The following SCEL variants were observed in gnomAD, a reference collection of about 807,000 sequenced individuals.
SCEL encodes the protein sciellin.
A neutral mutation model predicts 117.6 loss-of-function variants in SCEL; 113 were observed. The observed-to-expected ratio is 0.96, with a 90% CI of 0.83 to 1.12. The LOEUF is 1.12. Ranked by LOEUF, SCEL falls within the 50% of genes most tolerant of loss-of-function variation. The pLI is 0.00. For missense variants in SCEL, 785 were observed against 810.8 expected (o/e 0.97, Z 0.39); for synonymous variants, 270 against 256.2 (o/e 1.05, Z -0.51).
At chr13:77,616,045 T>G (rs1344614979) in intron 24 of SCEL, among the ~76,000 whole-genome samples, 1 of 150,684 alleles carries the variant, frequency 6.6e-6, no homozygotes, top group Admixed American at 6.6e-5. Context: ...TGTGTGTGTG[T>G]GGCTGTCTGT....
intron 8 of SCEL, among the ~76,000 whole-genome samples, chr13:77,571,018 G>A (rs1490489992): frequency 1.3e-5 from 2 of 151,412 alleles, no homozygotes; most frequent in Admixed American, 1.3e-4. Context: ...TTTTAGTAGA[G>A]ATGGGGTTTC....
At chr13:77,565,175 T>C (rs756954709) in intron 5 of SCEL, among the ~76,000 whole-genome samples, 3 of 152,162 alleles carry the variant, frequency 2.0e-5, no homozygotes, top group Non-Finnish European at 2.9e-5. Flanking sequence ...ATGTGGGAAA[T>C]AGACTAGACC....
rs529048677 is a variant in SCEL, at chr13:77,549,492, T to A, written c.-19-6365T>A. Among the ~76,000 whole-genome samples the A allele has an allele frequency of 4.6e-5, 7 of 152,374 alleles. No homozygotes were observed. The South Asian group carries it at 1.4e-3, about 32-fold the overall frequency. On this transcript the variant is annotated intron_variant, in intron 1 of 32. Coordinates refer to ENST00000349847, the MANE Select transcript of SCEL (RefSeq NM_144777.3). ...ATAATCTGCTATACCCCATTGTTAG[T>A]TCACATAGACATTCTCTTGCCTGTG...
At chr13:77,564,742 G>A (rs373607877) in intron 5 of SCEL, among the ~76,000 whole-genome samples, 1 of 152,162 alleles carries the variant, frequency 6.6e-6, no homozygotes, top group Non-Finnish European at 1.5e-5. Context: ...CAAATACATG[G>A]TAACTTACAG....
chr13:77,610,139 C>CT (rs558936912), intron 22 of SCEL, 33 bp downstream of exon 22: 4,530 of 1,431,568 alleles, frequency 3.2e-3, no homozygotes, highest in South Asian at 4.9e-3. Flanking sequence ...TTTCTCCCCC[C>CT]TTTTTTTTTC....
chr13:77,617,723 C>A, intron 25 of SCEL, 65 bp downstream of exon 25: 1 of 1,462,902 alleles, frequency 6.8e-7, no homozygotes, highest in Non-Finnish European at 9.5e-7. Flanking sequence ...ATTATTACTT[C>A]AAGCAGATTT....
Position 77,617,983 on chromosome 13 carries a change from T to TTA in SCEL, c.1572-20_1572-19insAT, listed in dbSNP as rs758178059. ...AAATCTATTACCAATCTGAACTTTT[T>TTA]TCTCTCTCTCTTTTAAACAGCCAAG... On this transcript the variant is annotated intron_variant, in intron 26 of 32. Transcript: ENST00000349847. 5.0e-6 allele frequency: 8 copies of TTA among 1,611,262 alleles called. No individual in the cohort carries two copies. The African/African-American group carries it at 9.4e-5, about 19-fold the overall frequency.
intron 9 of SCEL, among the ~76,000 whole-genome samples, chr13:77,575,511 G>A (rs1341755706): frequency 6.6e-6 from 1 of 152,138 alleles, no homozygotes; most frequent in African/African-American, 2.4e-5. Context: ...TTCCTGAGAA[G>A]TGTCATTTTA....
Position 77,535,757 on chromosome 13 carries a change from G to A in SCEL, c.-87G>A, listed in dbSNP as rs906129620. ...AAACTCTAGGTTCCCATTTCTTTCA[G>A]CCAGATCCTCCCAGGGAATCACTAC... On this transcript the variant is annotated 5_prime_UTR_variant, in exon 1 of 33. Coordinates refer to ENST00000349847, the MANE Select transcript of SCEL (RefSeq NM_144777.3). 2 of 152,140 alleles carry A rather than the reference G, an allele frequency of 1.3e-5. No individual in the cohort carries two copies. The highest frequency in any genetic ancestry group is 4.8e-5 in the African/African-American group (2 of 41,434). The allele number at this position is 152,140 out of a possible 1,614,324, so 9.4% of individuals were successfully genotyped here. A position where few individuals can be genotyped will look rare whatever the true frequency, so the allele number is the denominator to read the frequency against.
chr13:77,641,501 A>G (rs944849151), intron 31 of SCEL, among the ~76,000 whole-genome samples: 7 of 152,174 alleles, frequency 4.6e-5, no homozygotes, highest in African/African-American at 1.7e-4. Context: ...CCTAACTGTA[A>G]AATGAGGTGT....
At chr13:77,597,301 G>A (rs17068045) in intron 12 of SCEL, among the ~76,000 whole-genome samples, 20,354 of 151,866 alleles carry the variant, frequency 0.13, 1,552 homozygotes, top group Non-Finnish European at 0.15. Context: ...CATAAAGCAG[G>A]TGCAGAAAAA....
intron 22 of SCEL, among the ~76,000 whole-genome samples, chr13:77,610,463 A>G (rs1200870753): frequency 6.6e-6 from 1 of 152,134 alleles, no homozygotes; most frequent in African/African-American, 2.4e-5. Context: ...AAAAAAAAAA[A>G]AAAAAGATAA....
chr13:77,556,797 G>T, intron 3 of SCEL, 84 bp downstream of exon 3: 3 of 963,912 alleles, frequency 3.1e-6, no homozygotes, highest in Non-Finnish European at 4.9e-6. Context: ...CATCTGAAAA[G>T]TGAATACTTT....
chr13:77,538,073 A>G (rs73539880), intron 1 of SCEL, among the ~76,000 whole-genome samples: 3,165 of 150,422 alleles, frequency 0.021, 104 homozygotes, highest in African/African-American at 0.073. Context: ...ATTGCTGCAT[A>G]CATAGCTGGA....
At chr13:77,564,961 C>G (rs1409661092) in intron 5 of SCEL, among the ~76,000 whole-genome samples, 1 of 152,208 alleles carries the variant, frequency 6.6e-6, no homozygotes, top group African/African-American at 2.4e-5. Context: ...CTCATCTCCA[C>G]AGCGGTGCAT....
chr13:77,625,272 T>G lies in SCEL; in HGVS notation c.1629-2675T>G, dbSNP rs1006405781. Reference sequence around the variant, plus strand: ...CTTAAAACATTAAGGGGAAGATCTCTTAATGGCCAAGGTTGTTAAGATAGT... The same window carrying G: ...CTTAAAACATTAAGGGGAAGATCTCGTAATGGCCAAGGTTGTTAAGATAGT... On this transcript the variant is annotated intron_variant, in intron 27 of 32. Coordinates refer to ENST00000349847, the MANE Select transcript of SCEL (RefSeq NM_144777.3). Among the ~76,000 whole-genome samples the G allele has an allele frequency of 5.3e-5, 8 of 152,220 alleles. 1 individual carries two copies. The highest frequency in any genetic ancestry group is 4.6e-4 in the Admixed American group (7 of 15,280).
At chr13:77,570,956 C>G (rs577202855) in intron 8 of SCEL, among the ~76,000 whole-genome samples, 1 of 151,628 alleles carries the variant, frequency 6.6e-6, no homozygotes, top group South Asian at 2.1e-4. Flanking sequence ...CTCAGCCTCC[C>G]GAGTAGTTGG....
Position 77,645,112 on chromosome 13 carries a change from A to G in SCEL, c.*838A>G, listed in dbSNP as rs2090728975. On this transcript the variant is annotated 3_prime_UTR_variant, in exon 33 of 33. Coordinates refer to ENST00000349847, the MANE Select transcript of SCEL (RefSeq NM_144777.3). ...TATTTGTTAAATTTTCTTTGTATAC[A>G]TTTCAAAATCTGGGTATACTTATAA... 6.6e-6 allele frequency: 1 copy of G among 152,108 alleles called. No homozygotes were observed. Among genetic ancestry groups the G allele is most frequent in the Non-Finnish European group, 1.5e-5 (1 of 67,990 alleles). The allele number at this position is 152,108 out of a possible 1,614,324, so 9.4% of individuals were successfully genotyped here.
At chr13:77,603,566 T>C (rs9544550) in intron 18 of SCEL, among the ~76,000 whole-genome samples, 15,762 of 151,774 alleles carry the variant, frequency 0.1, 1,361 homozygotes, top group East Asian at 0.44. Context: ...ACAGGGGGAG[T>C]GAGGACCTCC....
Sources: gnomAD v4.1 joint callset for allele counts (sites outside exome capture counted in the v4.1 genomes callset) on GRCh38, gnomAD v4.1.1 for gene constraint, MANE v1.5 for transcripts, NCBI Gene and HGNC (gene_info 2026-07-23, HGNC 2026-07-21) for gene names.